Variants in DNM3 observed in about 807,000 individuals in gnomAD.
The protein encoded by DNM3 is dynamin 3.
Under a neutral mutation model 101.6 loss-of-function variants are expected in DNM3, and 47 were observed. That is an observed-to-expected ratio of 0.46 (90% CI 0.37 to 0.59). The LOEUF (loss-of-function observed/expected upper bound fraction) is 0.59, where lower values mean the gene tolerates loss of function less well. DNM3 is among the 20% of genes least tolerant of loss of function. DNM3 has a pLI of 0.00. For synonymous variants in DNM3, 385 were observed against 387.9 expected, an observed-to-expected ratio of 0.99 and a Z score of 0.09; for missense variants, 849 against 1,085.7, an observed-to-expected ratio of 0.78 and a Z score of 3.06.
intron 15 of DNM3, among the ~76,000 whole-genome samples, chr1:172,298,318 C>A (rs531364030): frequency 6.6e-6 from 1 of 152,142 alleles, no homozygotes; most frequent in Admixed American, 6.6e-5. Flanking sequence ...AACTGCTGGA[C>A]GCTTTAAGTG....
At chr1:172,014,419 T>C (rs2125719309) in intron 4 of DNM3, among the ~76,000 whole-genome samples, 1 of 152,290 alleles carries the variant, frequency 6.6e-6, no homozygotes, top group South Asian at 2.1e-4. Flanking sequence ...CCTCCAGCCA[T>C]GAATGAGAGT....
At chr1:171,999,991 T>A (rs932834659) in intron 4 of DNM3, among the ~76,000 whole-genome samples, 6 of 152,104 alleles carry the variant, frequency 3.9e-5, no homozygotes, top group Non-Finnish European at 8.8e-5. Context: ...AACAAATTCC[T>A]GTTGTTTTAA....
chr1:172,092,933 G>T (rs979137589), intron 13 of DNM3, 58 bp downstream of exon 13: 5 of 1,437,326 alleles, frequency 3.5e-6, no homozygotes, highest in Admixed American at 2.4e-5. Context: ...GAACTAAATC[G>T]CTTGATTGAC....
At chr1:172,394,313 G>A (rs2069781086) in intron 20 of DNM3, 1 of 152,242 alleles carries the variant, frequency 6.6e-6, no homozygotes, top group African/African-American at 2.4e-5. Context: ...TCTTGTGAAA[G>A]TCAGAATCTG....
intron 14 of DNM3, among the ~76,000 whole-genome samples, chr1:172,167,851 C>T (rs2058806538): frequency 6.6e-6 from 1 of 151,926 alleles, no homozygotes; most frequent in South Asian, 2.1e-4. Context: ...CAAAATATCA[C>T]ATTAGGAACT....
At chr1:172,138,293 C>T (rs1381654097) in intron 14 of DNM3, 1 of 143,090 alleles carries the variant, frequency 7.0e-6, no homozygotes, top group Admixed American at 7.6e-5. Flanking sequence ...GCACTTGATC[C>T]TTTGGAATAC....
chr1:172,139,189 C>A, intron 14 of DNM3: 1 of 293,286 alleles, frequency 3.4e-6, no homozygotes, highest in Non-Finnish European at 6.6e-6. Context: ...TTCTTAAGTC[C>A]AATTCATATT....
chr1:172,283,780 A>AAAAAAAAAAAAAAAG lies in DNM3; in HGVS notation c.1770-24945_1770-24944insAAAAAAAAAAAGAAA, dbSNP rs1553221113. On this transcript the variant is annotated intron_variant, in intron 15 of 20. Transcript: ENST00000627582. Reference sequence around the variant, plus strand: ...ATCTCAAAAAAAAAAAAAAAAAAAAAAAAGAAAGAAAGAAAGAAAACCAAG... The same window carrying AAAAAAAAAAAAAAAG: ...ATCTCAAAAAAAAAAAAAAAAAAAAAAAAAAAAAAAAAAAGAAAGAAAGAAAGAAAGAAAACCAAG... 9.2e-4 allele frequency among the ~76,000 whole-genome samples: 109 copies of AAAAAAAAAAAAAAAG among 119,014 alleles called. 2 individuals are homozygous for AAAAAAAAAAAAAAAG. The highest frequency in any genetic ancestry group is 2.6e-3 in the African/African-American group (77 of 29,580). 78.1% of individuals were successfully genotyped at this position (119,014 alleles called of 152,430 possible). A position where few individuals can be genotyped will look rare whatever the true frequency, so the allele number is the denominator to read the frequency against.
chr1:171,852,052 A>G (rs555577065), intron 1 of DNM3, among the ~76,000 whole-genome samples: 2 of 152,348 alleles, frequency 1.3e-5, no homozygotes, highest in African/African-American at 2.4e-5. Context: ...CTATACCATT[A>G]CTATTCCACT....
At chr1:171,987,342 G>A in intron 2 of DNM3, 1 of 983,774 alleles carries the variant, frequency 1.0e-6, no homozygotes, top group Non-Finnish European at 1.2e-6. Context: ...ACAATCAGGT[G>A]CTGTTGTTTG....
chr1:172,393,275 G>A (rs1160716861), intron 20 of DNM3: 2 of 152,170 alleles, frequency 1.3e-5, no homozygotes, highest in Non-Finnish European at 2.9e-5. Context: ...ATGGCCTGCA[G>A]TGCTCTATCT....
chr1:172,004,431 C>T (rs933275671), intron 4 of DNM3, among the ~76,000 whole-genome samples: 2 of 151,960 alleles, frequency 1.3e-5, no homozygotes, highest in Non-Finnish European at 2.9e-5. Context: ...CTGGATACAT[C>T]GTCCTCATGC....
chr1:172,170,651 A>G (rs2058921784), intron 14 of DNM3, among the ~76,000 whole-genome samples: 1 of 151,780 alleles, frequency 6.6e-6, no homozygotes, highest in African/African-American at 2.4e-5. Flanking sequence ...AGAATTTATG[A>G]ATGGCATATC....
chr1:172,277,490 G>A (rs1156911591), intron 15 of DNM3, among the ~76,000 whole-genome samples: 2 of 152,038 alleles, frequency 1.3e-5, no homozygotes, highest in Non-Finnish European at 2.9e-5. Flanking sequence ...AGGAGTCTCT[G>A]TAGACTAGTT....
chr1:172,322,544 C>T (rs74962572), intron 16 of DNM3, among the ~76,000 whole-genome samples: 1,774 of 152,268 alleles, frequency 0.012, 15 homozygotes, highest in Admixed American at 0.018. Context: ...GCCATTTGCC[C>T]TGCCGCCTGC....
rs181700173 is a variant in DNM3 at position 172,146,254 on chromosome 1, C to T, written c.1659+14966C>T. Among the ~76,000 whole-genome samples the T allele has an allele frequency of 3.1e-3, 477 of 152,232 alleles. 2 individuals are homozygous for T. The highest frequency in any genetic ancestry group is 0.01 in the African/African-American group (430 of 41,556). On this transcript the variant is annotated intron_variant, in intron 14 of 20. Coordinates refer to ENST00000627582, the MANE Select transcript of DNM3 (RefSeq NM_015569.5). The stretch of plus-strand genomic sequence containing the variant: ...CAAAAAGCTTCAAGTGAGTACTGTC[C>T]TAAAGCATTTGCTTTTCATAAAATG...
intron 1 of DNM3, among the ~76,000 whole-genome samples, chr1:171,913,798 T>A (rs998867154): frequency 8.0e-5 from 12 of 149,692 alleles, no homozygotes; most frequent in African/African-American, 2.7e-4. Context: ...GGTGCACAGA[T>A]TTTTTTTTTA....
intron 14 of DNM3, among the ~76,000 whole-genome samples, chr1:172,198,179 C>T (rs1416602009): frequency 6.6e-6 from 1 of 151,826 alleles, no homozygotes; most frequent in Non-Finnish European, 1.5e-5. Flanking sequence ...TGGTTTTTGT[C>T]TAGTTTTGTT....
intron 11 of DNM3, among the ~76,000 whole-genome samples, chr1:172,072,642 C>A (rs1212555627): frequency 2.0e-5 from 3 of 152,308 alleles, no homozygotes; most frequent in Non-Finnish European, 4.4e-5. Flanking sequence ...AATCCCAGCA[C>A]TTTGGGAGGC....
Sources: gnomAD v4.1 joint callset for allele counts (sites outside exome capture counted in the v4.1 genomes callset) on GRCh38, gnomAD v4.1.1 for gene constraint, MANE v1.5 for transcripts, NCBI Gene and HGNC (gene_info 2026-07-23, HGNC 2026-07-21) for gene names.